The following IL1RAPL1 variants were observed in gnomAD, a reference collection of about 807,000 sequenced individuals.
The protein encoded by IL1RAPL1 is interleukin 1 receptor accessory protein like 1.
IL1RAPL1 carries 3 observed loss-of-function variants against 48.4 expected under a neutral mutation model. That is an observed-to-expected ratio of 0.06 (90% CI 0.03 to 0.16). The LOEUF (loss-of-function observed/expected upper bound fraction) is 0.16, where lower values mean the gene tolerates loss of function less well. Among genes scored for constraint, IL1RAPL1 ranks in the 10% least tolerant of loss-of-function variants. The pLI is 1.00. For missense variants in IL1RAPL1, 349 were observed against 530.6 expected (o/e 0.66, Z 3.36); for synonymous variants, 185 against 187.7 (o/e 0.99, Z 0.12).
At chrX:29,473,791 C>CT (rs781378478) in intron 5 of IL1RAPL1, among the ~76,000 whole-genome samples, 6 of 111,147 alleles carry the variant, frequency 5.4e-5, no homozygotes, top group Admixed American at 3.8e-4. Context: ...CATTACATGT[C>CT]TTTTTTTCAC....
intron 6 of IL1RAPL1, among the ~76,000 whole-genome samples, chrX:29,835,455 A>ATTTTGC (rs1232991021): frequency 2.7e-5 from 3 of 111,939 alleles, no homozygotes; most frequent in African/African-American, 6.5e-5. Context: ...TCTTGAAGAT[A>ATTTTGC]ATTGCGTGTA....
At chrX:29,907,780 C>G (rs1354971046) in intron 6 of IL1RAPL1, among the ~76,000 whole-genome samples, 3 of 111,609 alleles carry the variant, frequency 2.7e-5, no homozygotes, top group Non-Finnish European at 5.6e-5. Flanking sequence ...TTGTTGAGTT[C>G]TACATCTTAT....
chrX:28,716,576 G>T lies in IL1RAPL1; in HGVS notation c.-24-72744G>T, dbSNP rs558087744. 2.7e-5 allele frequency among the ~76,000 whole-genome samples: 3 copies of T among 111,309 alleles called. No homozygotes were observed. The South Asian group carries it at 1.1e-3, about 42-fold the overall frequency. The stretch of plus-strand genomic sequence containing the variant: ...TAAAACCCAAACATATAAAAATTCT[G>T]GAAGACAACCTAGGCAATACTATTC... On this transcript the variant is annotated intron_variant, in intron 1 of 10. Transcript: ENST00000378993.
chrX:29,471,975 AG>A, intron 5 of IL1RAPL1, among the ~76,000 whole-genome samples: 1 of 111,638 alleles, frequency 9.0e-6, no homozygotes, highest in East Asian at 2.8e-4. Flanking sequence ...TTTCATTTTG[AG>A]GCTACTATGA....
At chrX:29,010,467 C>T (rs1926096984) in intron 2 of IL1RAPL1, among the ~76,000 whole-genome samples, 2 of 111,651 alleles carry the variant, frequency 1.8e-5, no homozygotes, top group Admixed American at 1.9e-4. Context: ...TGTTGAATTT[C>T]ATCGAAAGCT....
intron 6 of IL1RAPL1, among the ~76,000 whole-genome samples, chrX:29,784,511 A>C (rs755860231): frequency 1.8e-5 from 2 of 111,693 alleles, no homozygotes; most frequent in Non-Finnish European, 3.8e-5. Context: ...AAGCATGCTA[A>C]TTTGGGGGCC....
intron 1 of IL1RAPL1, among the ~76,000 whole-genome samples, chrX:28,616,992 C>G (rs894545005): frequency 8.9e-6 from 1 of 112,200 alleles, no homozygotes; most frequent in Admixed American, 9.4e-5. Flanking sequence ...TTTTTCATAT[C>G]TTGGCTTCAA....
intron 8 of IL1RAPL1, among the ~76,000 whole-genome samples, chrX:29,940,878 G>A (rs188078856): frequency 7.5e-4 from 84 of 111,689 alleles, no homozygotes; most frequent in Non-Finnish European, 1.2e-3. Flanking sequence ...AAAAGTAAAC[G>A]GTTGAATGAA....
intron 1 of IL1RAPL1, among the ~76,000 whole-genome samples, chrX:28,715,366 G>A (rs759315144): frequency 8.1e-5 from 9 of 111,703 alleles, no homozygotes; most frequent in Non-Finnish European, 1.1e-4. Context: ...AAGATACATC[G>A]TACCAGAATC....
At chrX:28,849,860 T>A (rs2147296292) in intron 2 of IL1RAPL1, among the ~76,000 whole-genome samples, 1 of 112,147 alleles carries the variant, frequency 8.9e-6, no homozygotes, top group South Asian at 3.7e-4. Context: ...GAATCTTCAT[T>A]TTGATTATCT....
At chrX:28,677,927 C>G (rs1245970408) in intron 1 of IL1RAPL1, among the ~76,000 whole-genome samples, 1 of 111,100 alleles carries the variant, frequency 9.0e-6, no homozygotes, top group Non-Finnish European at 1.9e-5. Flanking sequence ...AGTTGCAGAG[C>G]AATGTCATGT....
At chrX:29,653,950 T>TG (rs1925597875) in intron 5 of IL1RAPL1, among the ~76,000 whole-genome samples, 1 of 108,131 alleles carries the variant, frequency 9.2e-6, no homozygotes. Flanking sequence ...ATTTTTTGGC[T>TG]GTATCCAGGA....
At chrX:28,934,648 C>A (rs1021605081) in intron 2 of IL1RAPL1, among the ~76,000 whole-genome samples, 3 of 111,679 alleles carry the variant, frequency 2.7e-5, no homozygotes, top group Non-Finnish European at 5.6e-5. Flanking sequence ...TTTGTTGTTT[C>A]GTGACTGATT....
chrX:29,676,688 A>G (rs1000047595), intron 6 of IL1RAPL1, among the ~76,000 whole-genome samples: 7 of 111,715 alleles, frequency 6.3e-5, no homozygotes, highest in Non-Finnish European at 1.3e-4. Flanking sequence ...CAAAAATAAG[A>G]GTAAAAAAAT....
At chrX:28,721,976 C>A (rs1207928414) in intron 1 of IL1RAPL1, among the ~76,000 whole-genome samples, 1 of 111,709 alleles carries the variant, frequency 9.0e-6, no homozygotes, top group Non-Finnish European at 1.9e-5. Context: ...GTACCAGTAC[C>A]ATGCTGTTTT....
rs750171487 is a variant in IL1RAPL1, at chrX:29,631,795, AAATAAT to A, written c.704-36623_704-36618del. ...GGGTGACACAGCAAGACTCTGTCTC[AAATAAT>A]AATAATAATAAAATAGTTCAGTTGA... On this transcript the variant is annotated intron_variant, in intron 5 of 10. Transcript: ENST00000378993. Among the ~76,000 whole-genome samples, 837 of 110,544 alleles carry A rather than the reference AAATAAT, an allele frequency of 7.6e-3. 11 individuals are homozygous for A. The highest frequency in any genetic ancestry group is 0.026 in the African/African-American group (795 of 30,344).
chrX:28,706,269 C>G (rs996685693), intron 1 of IL1RAPL1, among the ~76,000 whole-genome samples: 2 of 112,149 alleles, frequency 1.8e-5, no homozygotes, highest in African/African-American at 6.5e-5. Flanking sequence ...AGGTTTGTAG[C>G]ATAGGAGCAA....
intron 2 of IL1RAPL1, among the ~76,000 whole-genome samples, chrX:28,893,387 A>G (rs1419165729): frequency 9.0e-6 from 1 of 111,088 alleles, no homozygotes; most frequent in Non-Finnish European, 1.9e-5. Context: ...TGATTTGACT[A>G]ATAAAGGCCG....
At chrX:29,244,629 A>G (rs898638923) in intron 2 of IL1RAPL1, among the ~76,000 whole-genome samples, 3 of 112,398 alleles carry the variant, frequency 2.7e-5, no homozygotes, top group African/African-American at 6.5e-5. Flanking sequence ...AATGATGATT[A>G]TTTTTGCATT....
Sources: allele counts gnomAD v4.1 joint callset (sites outside exome capture counted in the v4.1 genomes callset), GRCh38; gene constraint gnomAD v4.1.1; transcripts MANE v1.5; gene names NCBI Gene and HGNC (gene_info 2026-07-23, HGNC 2026-07-21).